The following DMAC2 variants were observed in gnomAD, a reference collection of about 807,000 sequenced individuals.
DMAC2 encodes distal membrane-arm assembly complex protein 2.
Under a neutral mutation model 29.6 loss-of-function variants are expected in DMAC2, and 32 were observed. That is an observed-to-expected ratio of 1.08 (90% CI 0.81 to 1.45). The LOEUF (loss-of-function observed/expected upper bound fraction) is 1.45. Among genes scored for constraint, DMAC2 ranks in the 40% most tolerant of loss-of-function variants. The pLI is 0.00. For missense variants in DMAC2, 319 were observed against 340.0 expected, an observed-to-expected ratio of 0.94 and a Z score of 0.49; for synonymous variants, 133 against 137.4, an observed-to-expected ratio of 0.97 and a Z score of 0.23.
At position 41,439,590 on chromosome 19, in the gene DMAC2, C is replaced by T. The variant is rs150658847; in HGVS notation, c.18+292G>A. On this transcript the variant is annotated intron_variant, in intron 1 of 5. Coordinates refer to ENST00000221943, the MANE Select transcript of DMAC2 (RefSeq NM_018035.3). Reference sequence around the variant, plus strand: ...CATTAGCTCCTTGTGTCATCCCTCCCTCTGATTGGTTAGTCGCGTCGCTCT... The same window carrying T: ...CATTAGCTCCTTGTGTCATCCCTCCTTCTGATTGGTTAGTCGCGTCGCTCT... 7 of 1,521,172 alleles carry T rather than the reference C, an allele frequency of 4.6e-6. No homozygotes were observed. In the African/African-American group the frequency reaches 6.9e-5, roughly 15 times the overall value. The allele number at this position is 1,521,172 out of a possible 1,614,324, so 94.2% of individuals were successfully genotyped here. A position where few individuals can be genotyped will look rare whatever the true frequency, so the allele number is the denominator to read the frequency against.
At position 41,436,478 on chromosome 19, in the gene DMAC2, G is replaced by C; in HGVS notation, c.216-6C>G. The C allele has an allele frequency of 1.2e-6, 2 of 1,613,970 alleles. No homozygotes were observed. The highest frequency in any genetic ancestry group is 1.7e-6 in the Non-Finnish European group (2 of 1,179,874). On this transcript the variant is annotated splice_polypyrimidine_tract_variant and splice_region_variant and intron_variant, in intron 2 of 5. Coordinates refer to ENST00000221943, the MANE Select transcript of DMAC2 (RefSeq NM_018035.3). ...TCTCCAGCCAGGTGTAAGATCTGCAGAGAAAATGGTAGCTAAGGGTGAGGC... is the reference window on the plus strand; with the variant it reads ...TCTCCAGCCAGGTGTAAGATCTGCACAGAAAATGGTAGCTAAGGGTGAGGC...
In DMAC2 at chr19:41,438,583, G is replaced by A. The variant is rs376317756; in HGVS notation, c.19-169C>T. Among the ~76,000 whole-genome samples the A allele has an allele frequency of 5.6e-4, 86 of 152,218 alleles. No homozygotes were observed. The South Asian group carries it at 0.017, about 31-fold the overall frequency. On this transcript the variant is annotated intron_variant, in intron 1 of 5. Transcript: ENST00000221943. Reference sequence around the variant, plus strand: ...TTTGAGATTCCAAAAATTTCCCCATGTTTTTTCCAAGTTCCTCCTCCCCTT... The same window carrying A: ...TTTGAGATTCCAAAAATTTCCCCATATTTTTTCCAAGTTCCTCCTCCCCTT...
Position 41,431,975 on chromosome 19 carries a change from A to C in DMAC2, c.*256T>G. The C allele has an allele frequency of 1.8e-6, 1 of 546,672 alleles. No individual in the cohort carries two copies. Among genetic ancestry groups the C allele is most frequent in the Non-Finnish European group, 3.3e-6 (1 of 305,166 alleles). 33.9% of individuals were successfully genotyped at this position (546,672 alleles called of 1,614,324 possible). A position where few individuals can be genotyped will look rare whatever the true frequency, so the allele number is the denominator to read the frequency against. On this transcript the variant is annotated 3_prime_UTR_variant, in exon 6 of 6. Transcript: ENST00000221943. ...AGTGTGGCTCTCTGCGGCTACTAAC[A>C]GCCTGAGCCTTTACCTCCCCAGGCC...
intron 5 of DMAC2, chr19:41,433,028 T>G (rs1555769896): frequency 1.9e-6 from 1 of 539,838 alleles, no homozygotes; most frequent in Non-Finnish European, 3.2e-6. Context: ...CAGCTCCTGC[T>G]GTTCTGCAAC....
At chr19:41,439,845 C>G in intron 1 of DMAC2, 37 bp downstream of exon 1, 1 of 1,614,192 alleles carries the variant, frequency 6.2e-7, no homozygotes, top group Non-Finnish European at 8.5e-7. Context: ...GTAGAGCGGA[C>G]TTCAAATTTG....
intron 5 of DMAC2, chr19:41,432,755 T>A: frequency 9.4e-6 from 4 of 423,994 alleles, no homozygotes; most frequent in Non-Finnish European, 1.3e-5. Flanking sequence ...AGCGTGTGCG[T>A]GTGTGTAGGG....
At chr19:41,433,060 T>C (rs2039658828) in intron 5 of DMAC2, 1 of 591,976 alleles carries the variant, frequency 1.7e-6, no homozygotes, top group South Asian at 2.5e-5. Flanking sequence ...CACACAGTTT[T>C]GACTAAAACA....
rs138045539 is a variant in DMAC2 at position 41,431,575 on chromosome 19, C to T, written c.*656G>A. ...GGTGCTGGGGAAGCCACATGCACTG[C>T]GGCGTCCAGAGGCAGAAGCACAACC... On this transcript the variant is annotated 3_prime_UTR_variant, in exon 6 of 6. Transcript: ENST00000221943. 13 of 320,458 alleles carry T rather than the reference C, an allele frequency of 4.1e-5. No homozygotes were observed. Among genetic ancestry groups the T allele is most frequent in the African/African-American group, 1.3e-4 (6 of 46,044 alleles). 19.9% of individuals were successfully genotyped at this position (320,458 alleles called of 1,614,324 possible). A position where few individuals can be genotyped will look rare whatever the true frequency, so the allele number is the denominator to read the frequency against.
intron 2 of DMAC2, among the ~76,000 whole-genome samples, chr19:41,437,555 T>A (rs2039935974): frequency 6.6e-6 from 1 of 151,902 alleles, no homozygotes; most frequent in African/African-American, 2.4e-5. Flanking sequence ...AAAAATTAGC[T>A]GGGCCTGGTG....
intron 3 of DMAC2, among the ~76,000 whole-genome samples, chr19:41,435,754 T>G (rs1555770983): frequency 6.6e-6 from 1 of 151,962 alleles, no homozygotes; most frequent in East Asian, 1.9e-4. Flanking sequence ...AGAGACAGGG[T>G]CTCACAAAGC....
Position 41,438,505 on chromosome 19 carries a change from C to T in DMAC2, c.19-91G>A, listed in dbSNP as rs367842918. 303 of 1,062,700 alleles carry T rather than the reference C, an allele frequency of 2.9e-4. 1 individual carries two copies. The African/African-American group carries it at 4.1e-3, about 14-fold the overall frequency. The allele number at this position is 1,062,700 out of a possible 1,614,324, so 65.8% of individuals were successfully genotyped here. A position where few individuals can be genotyped will look rare whatever the true frequency, so the allele number is the denominator to read the frequency against. ...CAGTTCTTGCTCCATGAACCTCAATCCCTCTGCTTCCCAACTCACCCTAAG... is the reference window on the plus strand; with the variant it reads ...CAGTTCTTGCTCCATGAACCTCAATTCCTCTGCTTCCCAACTCACCCTAAG... On this transcript the variant is annotated intron_variant, in intron 1 of 5. Coordinates refer to ENST00000221943, the MANE Select transcript of DMAC2 (RefSeq NM_018035.3).
rs372555264 is a variant in DMAC2, at chr19:41,433,239, G to A, written c.596+33C>T. The A allele has an allele frequency of 6.0e-5, 94 of 1,579,630 alleles. 2 individuals carry two copies. The African/African-American group carries it at 6.7e-4, about 11-fold the overall frequency. ...TCTGGGTTAGGTGGGAGAGGTGCCT[G>A]GGCATGTGGCCCAGCCTGAGCTGAG... On this transcript the variant is annotated intron_variant, in intron 5 of 5. Transcript: ENST00000221943.
At position 41,431,576 on chromosome 19, in the gene DMAC2, G is replaced by C. The variant is rs370387411; in HGVS notation, c.*655C>G. ...GTGCTGGGGAAGCCACATGCACTGC[G>C]GCGTCCAGAGGCAGAAGCACAACCA... On this transcript the variant is annotated 3_prime_UTR_variant, in exon 6 of 6. Transcript: ENST00000221943. The C allele has an allele frequency of 3.2e-6, 1 of 315,480 alleles. No homozygotes were observed. Among genetic ancestry groups the C allele is most frequent in the Non-Finnish European group, 6.2e-6 (1 of 161,460 alleles). 19.5% of individuals were successfully genotyped at this position (315,480 alleles called of 1,614,324 possible).
At chr19:41,439,430 A>C (rs925139386) in intron 1 of DMAC2, 1 of 1,473,858 alleles carries the variant, frequency 6.8e-7, no homozygotes, top group Non-Finnish European at 9.2e-7. Flanking sequence ...CATGCTTTTG[A>C]GTTTTCTGTA....
At chr19:41,438,725 CCA>C (rs1314549788) in intron 1 of DMAC2, among the ~76,000 whole-genome samples, 1 of 152,198 alleles carries the variant, frequency 6.6e-6, no homozygotes, top group East Asian at 1.9e-4. Flanking sequence ...TCTTAATTTT[CCA>C]CAGATTTGCC....
At chr19:41,437,037 T>C (rs1231163426) in intron 2 of DMAC2, among the ~76,000 whole-genome samples, 2 of 152,160 alleles carry the variant, frequency 1.3e-5, no homozygotes, top group African/African-American at 4.8e-5. Context: ...GCCTTGGAGA[T>C]TGGCTCTTAT....
Position 41,433,428 on chromosome 19 carries a change from A to T in DMAC2, c.440T>A (p.Leu147Gln), listed in dbSNP as rs1316408568. Residue 147 changes from leucine (L) to glutamine (Q), a missense_variant, in exon 5 of 6, where the codon CTG becomes CAG. By Grantham distance (113) the Leu-to-Gln change is moderately radical. Transcript: ENST00000221943. ...CAGCGACAAGGACTGGAGCTCCTTC[A>T]GGCGGACTGCGGTGGGGAGAGGGTG... ...NYEGLDNLLRLKELQSLSLQR... is the reference protein window; with the variant it reads ...NYEGLDNLLRQKELQSLSLQR... The T allele has an allele frequency of 7.4e-6, 12 of 1,613,430 alleles. No homozygotes were observed. Among genetic ancestry groups the T allele is most frequent in the Non-Finnish European group, 9.3e-6 (11 of 1,179,598 alleles).
At chr19:41,434,167 G>A (rs1400038910) in intron 3 of DMAC2, among the ~76,000 whole-genome samples, 6 of 151,934 alleles carry the variant, frequency 3.9e-5, no homozygotes, top group African/African-American at 1.5e-4. Flanking sequence ...CCTGGGAGGC[G>A]GAGCTTGCAG....
chr19:41,439,694 C>T (rs2040053778), intron 1 of DMAC2, 188 bp downstream of exon 1: 17 of 1,299,350 alleles, frequency 1.3e-5, no homozygotes, highest in Non-Finnish European at 1.8e-5. Context: ...GCGTCTCCTC[C>T]GCCTGCGACC....
Sources: gnomAD v4.1 joint callset for allele counts (sites outside exome capture counted in the v4.1 genomes callset) on GRCh38, gnomAD v4.1.1 for gene constraint, MANE v1.5 for transcripts, NCBI Gene and HGNC (gene_info 2026-07-23, HGNC 2026-07-21) for gene names.